The following HNMT variants were observed in gnomAD, a reference collection of about 807,000 sequenced individuals.
HNMT encodes the protein histamine N-methyltransferase.
HNMT carries 30 observed loss-of-function variants against 32.1 expected under a neutral mutation model. The ratio of observed to expected loss-of-function variants is 0.93; its 90% confidence interval spans 0.70 to 1.27. HNMT has a LOEUF of 1.27. HNMT is among the 50% of genes most tolerant of loss of function. The pLI is 0.00. For missense variants in HNMT, 327 were observed against 346.0 expected (o/e 0.95, Z 0.43); for synonymous variants, 125 against 119.0 (o/e 1.05, Z -0.33).
intron 2 of HNMT, among the ~76,000 whole-genome samples, chr2:137,980,163 G>A (rs1181560624): frequency 6.6e-6 from 1 of 151,986 alleles, no homozygotes; most frequent in East Asian, 1.9e-4. Context: ...GCCCTCCCCA[G>A]TAGCTGGGAC....
intron 2 of HNMT, among the ~76,000 whole-genome samples, chr2:137,993,870 A>G (rs895216032): frequency 1.3e-5 from 2 of 152,150 alleles, no homozygotes; most frequent in African/African-American, 4.8e-5. Context: ...AATATTCAAC[A>G]TTCTTAAAGA....
intron 2 of HNMT, among the ~76,000 whole-genome samples, chr2:137,985,028 A>G (rs1307534494): frequency 6.6e-6 from 1 of 152,174 alleles, no homozygotes; most frequent in Non-Finnish European, 1.5e-5. Flanking sequence ...CATGTCATGA[A>G]GTTCTATTCT....
At chr2:138,008,400 T>G (rs1396795176) in intron 5 of HNMT, among the ~76,000 whole-genome samples, 3 of 152,080 alleles carry the variant, frequency 2.0e-5, no homozygotes. Flanking sequence ...TGAAGGGTTT[T>G]TAGGTTGATT....
intron 2 of HNMT, among the ~76,000 whole-genome samples, chr2:137,995,592 G>A (rs546243690): frequency 6.6e-6 from 1 of 152,276 alleles, no homozygotes; most frequent in East Asian, 1.9e-4. Context: ...GAAATACAAA[G>A]AGGAGCTGGT....
intron 4 of HNMT, chr2:138,002,427 A>C: frequency 2.2e-6 from 2 of 895,008 alleles, no homozygotes; most frequent in Non-Finnish European, 2.7e-6. Context: ...CAAGTTATCC[A>C]TTTTTAAAAA....
chr2:138,003,064 T>C (rs1681227549), intron 4 of HNMT, among the ~76,000 whole-genome samples: 1 of 116,990 alleles, frequency 8.5e-6, no homozygotes, highest in Non-Finnish European at 1.7e-5. Context: ...AAAGGGAACA[T>C]CACACTCTGG....
At chr2:138,002,352 G>A in intron 4 of HNMT, 158 bp downstream of exon 4, 1 of 1,058,334 alleles carries the variant, frequency 9.4e-7, no homozygotes, top group Non-Finnish European at 1.2e-6. Context: ...AGGTAAAGAT[G>A]TTTATTATAC....
In HNMT at chr2:138,014,218, C is replaced by A; in HGVS notation, c.*88C>A. 1.2e-6 allele frequency: 1 copy of A among 844,944 alleles called. No homozygotes were observed. Among genetic ancestry groups the A allele is most frequent in the Non-Finnish European group, 1.8e-6 (1 of 547,800 alleles). 52.3% of individuals were successfully genotyped at this position (844,944 alleles called of 1,614,324 possible). ...TCCATATTAAAATCACAAACTCATCCATTAATGTAGATAAAGCACTGTTTG... is the reference window on the plus strand; with the variant it reads ...TCCATATTAAAATCACAAACTCATCAATTAATGTAGATAAAGCACTGTTTG... On this transcript the variant is annotated 3_prime_UTR_variant, in exon 6 of 6. Coordinates refer to ENST00000280097, the MANE Select transcript of HNMT (RefSeq NM_006895.3).
Position 137,980,269 on chromosome 2 carries a change from C to T in HNMT, c.190+10052C>T, listed in dbSNP as rs571170242. Among the ~76,000 whole-genome samples, 125 of 152,274 alleles carry T rather than the reference C, an allele frequency of 8.2e-4. 1 individual carries two copies. The highest frequency in any genetic ancestry group is 2.9e-3 in the African/African-American group (121 of 41,550). ...AGCCAGGATGGTCTCGATCTCCTGA[C>T]CTCATGATCCTCCCATCTCGGCCTC... On this transcript the variant is annotated intron_variant, in intron 2 of 5. Transcript: ENST00000280097.
At position 138,015,361 on chromosome 2, in the gene HNMT, T is replaced by C. The variant is rs1331648135; in HGVS notation, c.*1231T>C. 1 of 152,084 alleles carries C rather than the reference T, an allele frequency of 6.6e-6. No individual in the cohort carries two copies. The highest frequency in any genetic ancestry group is 1.5e-5 in the Non-Finnish European group (1 of 68,006). The allele number at this position is 152,084 out of a possible 1,614,324, so 9.4% of individuals were successfully genotyped here. A position where few individuals can be genotyped will look rare whatever the true frequency, so the allele number is the denominator to read the frequency against. ...CCCTCATTCTGCCAGTGAGGAAGCC[T>C]TCAACCCCGTGTGATACTCACTCTT... On this transcript the variant is annotated 3_prime_UTR_variant, in exon 6 of 6. Transcript: ENST00000280097.
chr2:138,000,091 C>G (rs1272352049), intron 2 of HNMT, among the ~76,000 whole-genome samples: 1 of 152,144 alleles, frequency 6.6e-6, no homozygotes, highest in African/African-American at 2.4e-5. Flanking sequence ...CTTGGAAGTC[C>G]TGCCTTGCTC....
intron 5 of HNMT, among the ~76,000 whole-genome samples, chr2:138,013,516 C>G (rs1447089847): frequency 1.3e-5 from 2 of 152,150 alleles, no homozygotes; most frequent in Non-Finnish European, 2.9e-5. Context: ...ATTAGACAGA[C>G]TCTGCGACCA....
In HNMT at chr2:137,964,651, C is replaced by G. The variant is rs770621867; in HGVS notation, c.137+23C>G. On this transcript the variant is annotated intron_variant, in intron 1 of 5. Coordinates refer to ENST00000280097, the MANE Select transcript of HNMT (RefSeq NM_006895.3). ...AAGGTAACAAAAGGGACGTTGTTGT[C>G]AAAGGGACAAGCCTCAGACTGGCTG... 4.3e-6 allele frequency: 7 copies of G among 1,612,792 alleles called. No homozygotes were observed. The Admixed American group carries it at 1.0e-4, about 23-fold the overall frequency.
intron 2 of HNMT, among the ~76,000 whole-genome samples, chr2:137,974,519 A>G (rs909976536): frequency 3.3e-5 from 5 of 152,170 alleles, no homozygotes; most frequent in African/African-American, 1.2e-4. Context: ...ATTAATTTAC[A>G]GTGCATATAT....
chr2:137,984,931 A>G (rs1458282711), intron 2 of HNMT, among the ~76,000 whole-genome samples: 1 of 152,172 alleles, frequency 6.6e-6, no homozygotes, highest in Admixed American at 6.5e-5. Flanking sequence ...ATAAGGATAA[A>G]TAAAAAGATT....
intron 1 of HNMT, among the ~76,000 whole-genome samples, chr2:137,968,275 A>G (rs955790738): frequency 6.6e-6 from 1 of 152,242 alleles, no homozygotes; most frequent in East Asian, 1.9e-4. Flanking sequence ...TAAGTTTTCA[A>G]TAATTATTTG....
At chr2:137,996,589 A>G (rs1299167030) in intron 2 of HNMT, among the ~76,000 whole-genome samples, 4 of 152,230 alleles carry the variant, frequency 2.6e-5, no homozygotes, top group Middle Eastern at 3.2e-3. Context: ...GAAAATGACC[A>G]TACTGCCCAA....
chr2:137,978,687 A>C (rs1469577626), intron 2 of HNMT, among the ~76,000 whole-genome samples: 3 of 140,670 alleles, frequency 2.1e-5, no homozygotes, highest in Non-Finnish European at 3.0e-5. Context: ...AGTATTATAC[A>C]ATACATATGA....
At chr2:137,974,619 T>C (rs566355472) in intron 2 of HNMT, among the ~76,000 whole-genome samples, 2 of 152,304 alleles carry the variant, frequency 1.3e-5, no homozygotes, top group African/African-American at 2.4e-5. Context: ...ATTTTATCTG[T>C]CCCAGTGTTT....
Sources: allele counts gnomAD v4.1 joint callset (sites outside exome capture counted in the v4.1 genomes callset), GRCh38; gene constraint gnomAD v4.1.1; transcripts MANE v1.5; gene names NCBI Gene and HGNC (gene_info 2026-07-23, HGNC 2026-07-21).